Variants in HK1 observed in about 807,000 individuals in gnomAD.
HK1 encodes the protein hexokinase-1.
HK1 carries 28 observed loss-of-function variants against 91.6 expected under a neutral mutation model. The observed-to-expected ratio is 0.31, with a 90% CI of 0.23 to 0.42. HK1 has a LOEUF of 0.42. Ranked by LOEUF, HK1 falls within the 10% of genes least tolerant of loss-of-function variation. The pLI is 1.00. For synonymous variants in HK1, 430 were observed against 468.1 expected (o/e 0.92, Z 1.05); for missense variants, 770 against 1,219.8 (o/e 0.63, Z 5.49).
upstream of HK1, among the ~76,000 whole-genome samples, chr10:69,317,501 A>G (rs35932296): frequency 0.27 from 40,764 of 152,064 alleles, 6,273 homozygotes; most frequent in East Asian, 0.69. Flanking sequence ...TACCTTTGCT[A>G]GGCCTGGTCA....
upstream of HK1, chr10:69,318,100 G>A (rs767447884): frequency 1.0e-4 from 102 of 985,348 alleles, no homozygotes; most frequent in Non-Finnish European, 1.2e-4. Flanking sequence ...TGCGCCCTGA[G>A]GGAGAGCCAC....
chr10:69,353,632 A>C (rs1848994538), intron 2 of HK1, among the ~76,000 whole-genome samples: 1 of 151,396 alleles, frequency 6.6e-6, no homozygotes, highest in Non-Finnish European at 1.5e-5. Context: ...AAAAAAAAAA[A>C]AAAGCAAAAA....
At chr10:69,322,614 G>A (rs1262737196) in intron 1 of HK1, among the ~76,000 whole-genome samples, 1 of 152,194 alleles carries the variant, frequency 6.6e-6, no homozygotes, top group East Asian at 1.9e-4. Context: ...ATAAAAGGCC[G>A]ATGTAGTGGC....
rs183072426 is a variant in HK1 at position 69,307,129 on chromosome 10, T to G, written c.27+6268T>G. Reference sequence around the variant, plus strand: ...TTCTCATAGGCAGCTGGAAATATAATCACGAACTTGGGAGGGAGATGTGGC... The same window carrying G: ...TTCTCATAGGCAGCTGGAAATATAAGCACGAACTTGGGAGGGAGATGTGGC... On this transcript the variant is annotated intron_variant, in intron 5 of 21. Transcript: ENST00000360289. 1.9e-3 allele frequency among the ~76,000 whole-genome samples: 293 copies of G among 152,176 alleles called. 1 individual carries two copies. Among genetic ancestry groups the G allele is most frequent in the South Asian group, 0.016 (78 of 4,822 alleles).
At chr10:69,394,866 G>A in intron 15 of HK1, 84 bp from the exon 16 acceptor site, 1 of 1,362,052 alleles carries the variant, frequency 7.3e-7, no homozygotes, top group Middle Eastern at 2.3e-4. Flanking sequence ...GGCAGTAGGA[G>A]ACGCGGAGTG....
At position 69,349,753 on chromosome 10, in the gene HK1, T is replaced by C. The variant is rs141268051; in HGVS notation, c.226+5764T>C. On this transcript the variant is annotated intron_variant, in intron 2 of 17. Coordinates refer to ENST00000359426, the MANE Select transcript of HK1 (RefSeq NM_000188.3). ...GGAGCCAACCCGAGGTAAAAGGGAC[T>C]GATAGGTCCCTTTTGTTATGGAGGG... Among the ~76,000 whole-genome samples, 307 of 152,332 alleles carry C rather than the reference T, an allele frequency of 2.0e-3. 1 individual carries two copies. Among genetic ancestry groups the C allele is most frequent in the African/African-American group, 7.2e-3 (299 of 41,570 alleles).
At chr10:69,288,676 C>T (rs1845139836) in exon 3 of HK1, 12 of 1,515,804 alleles carry the variant, frequency 7.9e-6, no homozygotes, top group Admixed American at 5.0e-5. Context: ...TCTAGGCGTT[C>T]AAGACCCAGC....
intron 5 of HK1, among the ~76,000 whole-genome samples, chr10:69,308,893 G>C (rs576262473): frequency 6.6e-6 from 1 of 152,120 alleles, no homozygotes. Flanking sequence ...GAGCTGAGGC[G>C]GTAATGCTCG....
intron 3 of HK1, among the ~76,000 whole-genome samples, chr10:69,291,393 T>A (rs1358216541): frequency 6.6e-6 from 1 of 152,164 alleles, no homozygotes; most frequent in Non-Finnish European, 1.5e-5. Context: ...GCAGTTGTAG[T>A]TCTTATTGCC....
intron 5 of HK1, among the ~76,000 whole-genome samples, chr10:69,309,212 C>T (rs375220026): frequency 6.7e-6 from 1 of 149,406 alleles, no homozygotes; most frequent in Non-Finnish European, 1.5e-5. Context: ...GACAGAGTCT[C>T]GCTCTGTCCC....
At chr10:69,388,362 A>T (rs1839744731) in intron 13 of HK1, among the ~76,000 whole-genome samples, 1 of 152,136 alleles carries the variant, frequency 6.6e-6, no homozygotes, top group Admixed American at 6.5e-5. Flanking sequence ...TGGGCGGATT[A>T]CTTGAGCTTA....
At position 69,386,438 on chromosome 10, in the gene HK1, T is replaced by G. The variant is rs755896958; in HGVS notation, c.1935+20T>G. ...AGAGAGGTAACTATTAAAAGAATGT[T>G]TTTTAAAATCTTTACTGTTTTAGGG... is the stretch of plus-strand genomic sequence containing the variant. On this transcript the variant is annotated intron_variant, in intron 13 of 17. Coordinates refer to ENST00000359426, the MANE Select transcript of HK1 (RefSeq NM_000188.3). 6.4e-7 allele frequency: 1 copy of G among 1,570,026 alleles called. No individual in the cohort carries two copies. The highest frequency in any genetic ancestry group is 1.1e-5 in the South Asian group (1 of 89,900).
At chr10:69,310,572 G>A (rs1305288986) in intron 5 of HK1, among the ~76,000 whole-genome samples, 2 of 152,246 alleles carry the variant, frequency 1.3e-5, no homozygotes, top group African/African-American at 4.8e-5. Context: ...GCATTTTCCA[G>A]TATATCTTGG....
chr10:69,329,212 G>C (rs1847558293), intron 1 of HK1, among the ~76,000 whole-genome samples: 1 of 151,306 alleles, frequency 6.6e-6, no homozygotes, highest in Admixed American at 6.6e-5. Context: ...CACCAGGCTG[G>C]AGTGCAGTGG....
intron 17 of HK1, among the ~76,000 whole-genome samples, chr10:69,399,816 C>T (rs1371063532): frequency 6.6e-6 from 1 of 152,126 alleles, no homozygotes; most frequent in African/African-American, 2.4e-5. Flanking sequence ...TACTCTGGGA[C>T]TGTAGGCAAA....
chr10:69,359,456 G>A (rs549334650), intron 2 of HK1, among the ~76,000 whole-genome samples: 1 of 152,318 alleles, frequency 6.6e-6, no homozygotes, highest in Non-Finnish European at 1.5e-5. Context: ...AATAATTGAT[G>A]TCAGAGCTGA....
intron 1 of HK1, among the ~76,000 whole-genome samples, chr10:69,324,714 A>G (rs1847225898): frequency 1.3e-5 from 2 of 152,240 alleles, no homozygotes; most frequent in Non-Finnish European, 2.9e-5. Flanking sequence ...GCTTACAGCT[A>G]GGCTGCAGAT....
chr10:69,325,619 G>C (rs1334543414), intron 1 of HK1, among the ~76,000 whole-genome samples: 1 of 150,914 alleles, frequency 6.6e-6, no homozygotes, highest in African/African-American at 2.4e-5. Context: ...TCCATCTCGC[G>C]GGTTCAAGTG....
intron 5 of HK1, among the ~76,000 whole-genome samples, chr10:69,303,664 G>A (rs527771080): frequency 8.0e-5 from 12 of 150,882 alleles, no homozygotes; most frequent in South Asian, 6.3e-4. Flanking sequence ...ATGGCAGGTA[G>A]TCTTAAGGGC....
Sources: gnomAD v4.1 joint callset for allele counts (sites outside exome capture counted in the v4.1 genomes callset) on GRCh38, gnomAD v4.1.1 for gene constraint, MANE v1.5 for transcripts, NCBI Gene and HGNC (gene_info 2026-07-23, HGNC 2026-07-21) for gene names.